Variants in PDE1A observed in about 807,000 individuals in gnomAD.
PDE1A encodes phosphodiesterase 1A.
PDE1A carries 35 observed loss-of-function variants against 61.7 expected under a neutral mutation model. The observed-to-expected ratio is 0.57, with a 90% confidence interval of 0.43 to 0.75. PDE1A has a LOEUF of 0.75. PDE1A is among the 30% of genes least tolerant of loss of function. The pLI is 0.00. For synonymous variants in PDE1A, 232 were observed against 213.2 expected, an observed-to-expected ratio of 1.09 and a Z score of -0.77; for missense variants, 597 against 630.6, an observed-to-expected ratio of 0.95 and a Z score of 0.57.
At chr2:182,312,573 A>G (rs1696055851) in intron 1 of PDE1A, among the ~76,000 whole-genome samples, 1 of 152,252 alleles carries the variant, frequency 6.6e-6, no homozygotes, top group Admixed American at 6.5e-5. Context: ...TTATCTCTCC[A>G]CTGAATTGCC....
intron 2 of PDE1A, among the ~76,000 whole-genome samples, chr2:182,467,791 G>GA (rs1156508157): frequency 1.3e-5 from 2 of 151,856 alleles, no homozygotes; most frequent in Admixed American, 6.6e-5. Flanking sequence ...AACAAAGAGA[G>GA]AAAACCATAG....
the PDE1A span, among the ~76,000 whole-genome samples, chr2:182,557,311 T>C: frequency 6.6e-6 from 1 of 152,240 alleles, no homozygotes; most frequent in Non-Finnish European, 1.5e-5. Flanking sequence ...TTAAAAATTC[T>C]AGTGCTTCCT....
At position 182,201,940 on chromosome 2, in the gene PDE1A, A is replaced by T. The variant is rs201025137; in HGVS notation, c.903-151T>A. ...TTTTTAAATGTGAAAGTCCACACACAAGTTTGATATTATTTTACCTTTTAA... is the reference window on the plus strand; with the variant it reads ...TTTTTAAATGTGAAAGTCCACACACTAGTTTGATATTATTTTACCTTTTAA... On this transcript the variant is annotated intron_variant, in intron 8 of 13. Transcript: ENST00000351439. 2.4e-5 allele frequency: 14 copies of T among 594,824 alleles called. No individual in the cohort carries two copies. In the East Asian group the frequency reaches 4.0e-4, roughly 17 times the overall value. 36.8% of individuals were successfully genotyped at this position (594,824 alleles called of 1,614,324 possible).
chr2:182,142,555 A>G (rs1372017989), downstream of PDE1A: 3 of 152,208 alleles, frequency 2.0e-5, no homozygotes, highest in Non-Finnish European at 2.9e-5. Context: ...ATTTAAAATA[A>G]GAAGGACAAT....
At chr2:182,199,855 T>C (rs539064369) in intron 10 of PDE1A, among the ~76,000 whole-genome samples, 1 of 152,332 alleles carries the variant, frequency 6.6e-6, no homozygotes, top group Non-Finnish European at 1.5e-5. Context: ...CCACACATTA[T>C]GTCCATCAAC....
At chr2:182,222,425 C>A (rs980860554) in intron 7 of PDE1A, among the ~76,000 whole-genome samples, 1 of 151,874 alleles carries the variant, frequency 6.6e-6, no homozygotes, top group South Asian at 2.1e-4. Flanking sequence ...GCACAGGAGA[C>A]TTTTAGGGCC....
chr2:182,597,717 T>C, the PDE1A span, among the ~76,000 whole-genome samples: 1 of 152,242 alleles, frequency 6.6e-6, no homozygotes, highest in Non-Finnish European at 1.5e-5. Context: ...TACTTTGAAT[T>C]ATAAACTTTT....
chr2:182,686,504 C>T, the PDE1A span, among the ~76,000 whole-genome samples: 1 of 152,098 alleles, frequency 6.6e-6, no homozygotes, highest in African/African-American at 2.4e-5. Context: ...TCTGAAATAG[C>T]AAGTAATAGA....
chr2:182,629,666 G>A, the PDE1A span, among the ~76,000 whole-genome samples: 4 of 152,086 alleles, frequency 2.6e-5, no homozygotes, highest in Non-Finnish European at 5.9e-5. Flanking sequence ...GCTATTATGG[G>A]CATTCACTTT....
At chr2:182,375,699 G>A (rs531613713) in intron 1 of PDE1A, among the ~76,000 whole-genome samples, 1 of 152,220 alleles carries the variant, frequency 6.6e-6, no homozygotes, top group Non-Finnish European at 1.5e-5. Flanking sequence ...TAGGGATTCT[G>A]TGTGGGGGCT....
chr2:182,434,869 A>G (rs1218554334), intron 2 of PDE1A, among the ~76,000 whole-genome samples: 1 of 152,048 alleles, frequency 6.6e-6, no homozygotes, highest in East Asian at 1.9e-4. Context: ...CACAAGAATT[A>G]TTATTTTCTT....
intron 8 of PDE1A, among the ~76,000 whole-genome samples, chr2:182,203,736 T>A (rs1199123945): frequency 2.6e-5 from 4 of 152,002 alleles, no homozygotes; most frequent in African/African-American, 9.6e-5. Context: ...TGAAAACTTT[T>A]AAATTAATGC....
chr2:182,627,785 A>T, the PDE1A span, among the ~76,000 whole-genome samples: 1 of 151,962 alleles, frequency 6.6e-6, no homozygotes, highest in East Asian at 1.9e-4. Flanking sequence ...TCTACTAAAA[A>T]TACAAAAATT....
At chr2:182,398,779 C>T (rs891345207) in intron 1 of PDE1A, among the ~76,000 whole-genome samples, 16 of 152,016 alleles carry the variant, frequency 1.1e-4, no homozygotes, top group Non-Finnish European at 2.1e-4. Flanking sequence ...TTAATTCATA[C>T]AAATGGCTTG....
intron 1 of PDE1A, among the ~76,000 whole-genome samples, chr2:182,269,318 G>A (rs775296721): frequency 2.8e-4 from 43 of 151,580 alleles, no homozygotes; most frequent in African/African-American, 5.1e-4. Context: ...GAGAAACTCC[G>A]TCTCTACTAA....
chr2:182,548,872 G>T, the PDE1A span, among the ~76,000 whole-genome samples: 2 of 152,194 alleles, frequency 1.3e-5, no homozygotes, highest in South Asian at 4.1e-4. Flanking sequence ...GTGCAGACCA[G>T]TCCTAAAGAA....
chr2:182,554,312 C>T, the PDE1A span, among the ~76,000 whole-genome samples: 1 of 152,192 alleles, frequency 6.6e-6, no homozygotes, highest in Non-Finnish European at 1.5e-5. Context: ...ACTCCAGTCA[C>T]GATTCCCCTT....
At chr2:182,203,277 A>G (rs1469233470) in intron 8 of PDE1A, among the ~76,000 whole-genome samples, 1 of 152,088 alleles carries the variant, frequency 6.6e-6, no homozygotes, top group Non-Finnish European at 1.5e-5. Flanking sequence ...CCGAGATTGC[A>G]CCACTGCACT....
At chr2:182,470,759 T>C (rs1686976573) in intron 2 of PDE1A, among the ~76,000 whole-genome samples, 1 of 151,814 alleles carries the variant, frequency 6.6e-6, no homozygotes, top group South Asian at 2.1e-4. Flanking sequence ...AAATAGGTAC[T>C]ATATACGAAC....
Sources: allele counts gnomAD v4.1 joint callset (sites outside exome capture counted in the v4.1 genomes callset), GRCh38; gene constraint gnomAD v4.1.1; transcripts MANE v1.5; gene names NCBI Gene and HGNC (gene_info 2026-07-23, HGNC 2026-07-21).